SEC61A2: variants seen among roughly 807,000 people sequenced by gnomAD.
SEC61A2 encodes protein transport protein Sec61 subunit alpha isoform 2.
SEC61A2 carries 28 observed loss-of-function variants against 59.9 expected under a neutral mutation model. That is an observed-to-expected ratio of 0.47 (90% CI 0.35 to 0.64). The LOEUF (loss-of-function observed/expected upper bound fraction) is 0.64, where lower values mean the gene tolerates loss of function less well. Ranked by LOEUF, SEC61A2 falls within the 30% of genes least tolerant of loss-of-function variation. The pLI is 0.01. For synonymous variants in SEC61A2, 202 were observed against 214.4 expected, an observed-to-expected ratio of 0.94 and a Z score of 0.50; for missense variants, 340 against 585.9, an observed-to-expected ratio of 0.58 and a Z score of 4.33.
chr10:12,147,206 A>G (rs1025467055), intron 4 of SEC61A2, among the ~76,000 whole-genome samples: 1 of 152,112 alleles, frequency 6.6e-6, no homozygotes, highest in African/African-American at 2.4e-5. Context: ...GTTTTATTTT[A>G]ACCATTATGC....
At chr10:12,140,315 T>C (rs893429162) in intron 3 of SEC61A2, among the ~76,000 whole-genome samples, 9 of 152,218 alleles carry the variant, frequency 5.9e-5, no homozygotes, top group Admixed American at 2.6e-4. Flanking sequence ...CTTAACAAGT[T>C]GAAACTGATT....
Position 12,155,996 on chromosome 10 carries a change from G to C in SEC61A2, c.616+65G>C. On this transcript the variant is annotated intron_variant, in intron 7 of 11. Transcript: ENST00000298428. The surrounding 1 kb of genome is among the most constrained non-coding windows in gnomAD (Gnocchi z 4.3). ...GATGTGTGCTGGGAACAAACCCATC[G>C]TGTCGCAGTACATGCCTAGAGCCGT... 6.4e-7 allele frequency: 1 copy of C among 1,562,356 alleles called. No individual in the cohort carries two copies. Among genetic ancestry groups the C allele is most frequent in the East Asian group, 2.2e-5 (1 of 44,588 alleles).
Position 12,155,726 on chromosome 10 carries a change from C to T in SEC61A2, c.463-52C>T, listed in dbSNP as rs767762694. 358 of 1,606,894 alleles carry T rather than the reference C, an allele frequency of 2.2e-4. No individual in the cohort carries two copies. Among genetic ancestry groups the T allele is most frequent in the Non-Finnish European group, 2.9e-4 (343 of 1,173,982 alleles). The stretch of plus-strand genomic sequence containing the variant: ...AAATAGCCAATGGTGTTCCTCTCCC[C>T]CTTTCTTGAGTTTGTTCTTGCTTCC... On this transcript the variant is annotated intron_variant, in intron 6 of 11. Transcript: ENST00000298428. This position sits in a 1 kb window ranked among gnomAD's most constrained non-coding sequence, Gnocchi z 4.3.
intron 3 of SEC61A2, among the ~76,000 whole-genome samples, chr10:12,138,172 A>G (rs1833930702): frequency 1.3e-5 from 2 of 152,178 alleles, no homozygotes; most frequent in African/African-American, 4.8e-5. Flanking sequence ...AAACCTAACT[A>G]TATTTTCTTT....
chr10:12,167,348 G>A (rs1225344821), downstream of SEC61A2: 1 of 186,476 alleles, frequency 5.4e-6, no homozygotes, highest in Non-Finnish European at 1.1e-5. Context: ...GTTGAGAGTG[G>A]AAATGACCTA....
chr10:12,137,570 G>C lies in SEC61A2; in HGVS notation c.141+1400G>C, dbSNP rs182463805. Reference sequence around the variant, plus strand: ...TCCATCTACCTGTATCTCCCACAGGGCTGGGATTACATGCCTGAGCCACCA... The same window carrying C: ...TCCATCTACCTGTATCTCCCACAGGCCTGGGATTACATGCCTGAGCCACCA... On this transcript the variant is annotated intron_variant, in intron 3 of 11. Transcript: ENST00000298428. 5.5e-4 allele frequency among the ~76,000 whole-genome samples: 84 copies of C among 152,262 alleles called. 1 individual carries two copies. The highest frequency in any genetic ancestry group is 7.6e-4 in the Non-Finnish European group (52 of 68,014).
chr10:12,156,076 C>T lies in SEC61A2; in HGVS notation c.616+145C>T. The T allele has an allele frequency of 1.3e-6, 1 of 786,544 alleles. No individual in the cohort carries two copies. The highest frequency in any genetic ancestry group is 2.1e-6 in the Non-Finnish European group (1 of 482,714). The allele number at this position is 786,544 out of a possible 1,614,324, so 48.7% of individuals were successfully genotyped here. On this transcript the variant is annotated intron_variant, in intron 7 of 11. Coordinates refer to ENST00000298428, the MANE Select transcript of SEC61A2 (RefSeq NM_018144.4). This position sits in a 1 kb window ranked among gnomAD's most constrained non-coding sequence, Gnocchi z 5.2. ...TGCGAATTCTTCAAAACTTAATGAG[C>T]AGAGATTTGTGGAGTAAGCAATACT...
Position 12,156,953 on chromosome 10 carries a change from C to T in SEC61A2, c.663C>T (p.Ala221=). The change falls in exon 8 of 12, where the codon GCC becomes GCT. Residue 221 remains alanine (A), a synonymous_variant. Transcript: ENST00000298428. The surrounding 1 kb of genome is among the most constrained non-coding windows in gnomAD (Gnocchi z 5.2). ...GAVIALFHLL[A]TRTDKVRALR... ...TCATAGCTCTGTTCCATTTGTTGGC[C>T]ACCAGGACGGACAAAGTCCGAGCTT... 6.2e-7 allele frequency: 1 copy of T among 1,613,958 alleles called. No homozygotes were observed. The highest frequency in any genetic ancestry group is 8.5e-7 in the Non-Finnish European group (1 of 1,179,888).
At position 12,162,355 on chromosome 10, in the gene SEC61A2, A is replaced by G; in HGVS notation, c.1244+66A>G. 7.7e-7 allele frequency: 1 copy of G among 1,300,326 alleles called. No homozygotes were observed. Among genetic ancestry groups the G allele is most frequent in the East Asian group, 2.3e-5 (1 of 43,336 alleles). The allele number at this position is 1,300,326 out of a possible 1,614,324, so 80.5% of individuals were successfully genotyped here. On this transcript the variant is annotated intron_variant, in intron 11 of 11. Transcript: ENST00000298428. The surrounding 1 kb of genome is among the most constrained non-coding windows in gnomAD (Gnocchi z 6.1). ...TGTTTCAGTCTTTCAGTGTTGGCTA[A>G]ATGTTTTTCTTTGTTCAAGTTCATA... is the stretch of plus-strand genomic sequence containing the variant.
rs1834380354 is a variant in SEC61A2 at position 12,155,646 on chromosome 10, A to C, written c.463-132A>C. 1 of 1,048,058 alleles carries C rather than the reference A, an allele frequency of 9.5e-7. No homozygotes were observed. Among genetic ancestry groups the C allele is most frequent in the Non-Finnish European group, 1.4e-6 (1 of 701,242 alleles). 64.9% of individuals were successfully genotyped at this position (1,048,058 alleles called of 1,614,324 possible). A position where few individuals can be genotyped will look rare whatever the true frequency, so the allele number is the denominator to read the frequency against. ...AGCAGGCCAAAAGATGCAGTTGGTCATCACAGTGAGATTGCAACGATCAGG... is the reference window on the plus strand; with the variant it reads ...AGCAGGCCAAAAGATGCAGTTGGTCCTCACAGTGAGATTGCAACGATCAGG... On this transcript the variant is annotated intron_variant, in intron 6 of 11. Transcript: ENST00000298428. The surrounding 1 kb of genome is among the most constrained non-coding windows in gnomAD (Gnocchi z 4.3).
Position 12,162,159 on chromosome 10 carries a change from T to G in SEC61A2, c.1168-54T>G, listed in dbSNP as rs1834545770. The G allele has an allele frequency of 7.2e-7, 1 of 1,388,070 alleles. No individual in the cohort carries two copies. The highest frequency in any genetic ancestry group is 2.3e-5 in the East Asian group (1 of 43,722). The allele number at this position is 1,388,070 out of a possible 1,614,324, so 86.0% of individuals were successfully genotyped here. A position where few individuals can be genotyped will look rare whatever the true frequency, so the allele number is the denominator to read the frequency against. ...AGCACTTCGCATAGAACGTGGTAGA[T>G]GTAAGCAGTGAAATGTTCCAGTTGG... is the stretch of plus-strand genomic sequence containing the variant. On this transcript the variant is annotated intron_variant, in intron 10 of 11. Coordinates refer to ENST00000298428, the MANE Select transcript of SEC61A2 (RefSeq NM_018144.4). The surrounding 1 kb of genome is among the most constrained non-coding windows in gnomAD (Gnocchi z 6.1).
At chr10:12,157,397 G>A (rs1188340336) in intron 8 of SEC61A2, among the ~76,000 whole-genome samples, 6 of 151,798 alleles carry the variant, frequency 4.0e-5, no homozygotes, top group East Asian at 1.9e-4. Flanking sequence ...GTGCAGTGGC[G>A]CGATCTTAGC....
intron 2 of SEC61A2, among the ~76,000 whole-genome samples, chr10:12,134,750 T>C (rs897087689): frequency 6.6e-6 from 1 of 151,664 alleles, no homozygotes; most frequent in African/African-American, 2.4e-5. Context: ...GCCCCGACTC[T>C]ACTAAAAATA....
At position 12,151,500 on chromosome 10, in the gene SEC61A2, C is replaced by CG. The variant is rs1391402132; in HGVS notation, c.462+1539_462+1540insG. Among the ~76,000 whole-genome samples the CG allele has an allele frequency of 8.2e-3, 1,211 of 147,030 alleles. 12 individuals carry two copies. The highest frequency in any genetic ancestry group is 0.031 in the African/African-American group (1,136 of 37,228). ...CTAATTTTTGTATTTTTAGTAGAGA[C>CG]AGGGTTTCACCATGTTGGCCAGGAT... is the stretch of plus-strand genomic sequence containing the variant. On this transcript the variant is annotated intron_variant, in intron 6 of 11. Transcript: ENST00000298428.
intron 8 of SEC61A2, 116 bp downstream of exon 8, chr10:12,157,183 T>A: frequency 9.5e-7 from 1 of 1,056,412 alleles, no homozygotes; most frequent in East Asian, 2.5e-5. Context: ...TCAAGGGAAA[T>A]AAAATTTTGC....
At position 12,164,922 on chromosome 10, in the gene SEC61A2, T is replaced by A. The variant is rs896339605; in HGVS notation, c.*468T>A. On this transcript the variant is annotated 3_prime_UTR_variant, in exon 12 of 12. Coordinates refer to ENST00000298428, the MANE Select transcript of SEC61A2 (RefSeq NM_018144.4). The surrounding 1 kb of genome is among the most constrained non-coding windows in gnomAD (Gnocchi z 7.3). ...TTACTTTTTATACTTTTTTAACTCA[T>A]GGTATCCCCACTCCCCACCCCCACC... 1.0e-6 allele frequency: 1 copy of A among 979,914 alleles called. No homozygotes were observed. Among genetic ancestry groups the A allele is most frequent in the African/African-American group, 1.8e-5 (1 of 57,112 alleles). The allele number at this position is 979,914 out of a possible 1,614,324, so 60.7% of individuals were successfully genotyped here.
At chr10:12,136,470 G>C (rs1833888367) in intron 3 of SEC61A2, among the ~76,000 whole-genome samples, 1 of 151,756 alleles carries the variant, frequency 6.6e-6, no homozygotes, top group African/African-American at 2.4e-5. Flanking sequence ...ACCATGCCCA[G>C]CTAAAGTCTC....
downstream of SEC61A2, chr10:12,167,908 CACTTCCT>C: frequency 1.9e-6 from 3 of 1,546,406 alleles, no homozygotes; most frequent in Non-Finnish European, 2.6e-6. Context: ...TACTATATGT[CACTTCCT>C]ATGCTAGATG....
downstream of SEC61A2, chr10:12,169,199 C>A: frequency 8.8e-7 from 1 of 1,138,468 alleles, no homozygotes; most frequent in Non-Finnish European, 1.3e-6. This position sits in a 1 kb window ranked among gnomAD's most constrained non-coding sequence, Gnocchi z 4.8. Context: ...CCTTTATAGC[C>A]ATAGTAGCCC....
Sources: gnomAD v4.1 joint callset for allele counts (sites outside exome capture counted in the v4.1 genomes callset) on GRCh38, gnomAD v4.1.1 for gene constraint, Gnocchi (gnomAD v3.1) non-coding constraint, MANE v1.5 for transcripts, NCBI Gene and HGNC (gene_info 2026-07-23, HGNC 2026-07-21) for gene names.